ZSWIM4: variants seen among roughly 807,000 people sequenced by gnomAD.
ZSWIM4 encodes zinc finger SWIM-type containing 4.
Under a neutral mutation model 102.5 loss-of-function variants are expected in ZSWIM4, and 62 were observed. The ratio of observed to expected loss-of-function variants is 0.60; its 90% CI spans 0.49 to 0.75. The LOEUF (loss-of-function observed/expected upper bound fraction) is 0.75, where lower values mean the gene tolerates loss of function less well. ZSWIM4 is among the 30% of genes least tolerant of loss of function. The pLI is 0.00. For synonymous variants in ZSWIM4, 652 were observed against 674.5 expected (o/e 0.97, Z 0.52); for missense variants, 1,280 against 1,529.6 (o/e 0.84, Z 2.72).
intron 12 of ZSWIM4, among the ~76,000 whole-genome samples, chr19:13,827,588 CAAAAA>C (rs35504300): frequency 5.5e-5 from 4 of 72,518 alleles, no homozygotes; most frequent in Admixed American, 1.7e-4. Flanking sequence ...GTGAGACCCT[CAAAAA>C]AAAAAAAAAA....
intron 2 of ZSWIM4, among the ~76,000 whole-genome samples, chr19:13,801,460 G>A (rs1208609957): frequency 6.6e-6 from 1 of 152,138 alleles, no homozygotes; most frequent in African/African-American, 2.4e-5. Flanking sequence ...CTTTGGGCCA[G>A]GGGTTTAGAG....
intron 1 of ZSWIM4, among the ~76,000 whole-genome samples, chr19:13,796,150 C>G (rs1421335568): frequency 6.6e-6 from 1 of 150,628 alleles, no homozygotes; most frequent in Non-Finnish European, 1.5e-5. Flanking sequence ...CCGCCTTATC[C>G]CCCAACGGTA....
At chr19:13,796,125 G>A (rs987968287) in intron 1 of ZSWIM4, among the ~76,000 whole-genome samples, 4 of 150,764 alleles carry the variant, frequency 2.7e-5, no homozygotes, top group Non-Finnish European at 4.4e-5. Context: ...TACAACCCTG[G>A]GCACCCCTCT....
chr19:13,817,133 G>T, intron 7 of ZSWIM4, 83 bp from the exon 8 acceptor site: 1 of 1,507,976 alleles, frequency 6.6e-7, no homozygotes, highest in South Asian at 1.3e-5. Context: ...TAGGCTGGCT[G>T]GCAGGTCAAG....
chr19:13,830,374 A>C lies in ZSWIM4; in HGVS notation c.2645A>C (p.Lys882Thr), dbSNP rs1326038098. 6 of 1,612,996 alleles carry C rather than the reference A, an allele frequency of 3.7e-6. No individual in the cohort carries two copies. Among genetic ancestry groups the C allele is most frequent in the East Asian group, 2.2e-5 (1 of 44,872 alleles). Residue 882 changes from lysine (K) to threonine (T), a missense_variant, in exon 14 of 14, where the codon AAG becomes ACG. Physicochemically the swap from Lys to Thr is moderately conservative, Grantham distance 78 (BLOSUM62 -1). Transcript: ENST00000590508. ...ACCCTGGCCTTGCAGTGCGCGATGA[A>C]GGACCCTCAGAACTGCGCCTTGCCT... is the stretch of plus-strand genomic sequence containing the variant. Reference protein sequence around the residue: ...ARTLALQCAMKDPQNCALPAL... With the variant: ...ARTLALQCAMTDPQNCALPAL...
intron 2 of ZSWIM4, among the ~76,000 whole-genome samples, chr19:13,802,361 G>A (rs1186421092): frequency 1.3e-5 from 2 of 151,166 alleles, no homozygotes; most frequent in Non-Finnish European, 3.0e-5. Context: ...TGAGGCGGGT[G>A]GATCACCTAA....
rs377628862 is a variant in ZSWIM4 at position 13,820,791 on chromosome 19, C to A, written c.2060+1299C>A. Among the ~76,000 whole-genome samples the A allele has an allele frequency of 7.9e-5, 12 of 151,932 alleles. No individual in the cohort carries two copies. The East Asian group carries it at 1.7e-3, about 22-fold the overall frequency. The stretch of plus-strand genomic sequence containing the variant: ...TTCTTTGCACCTTTTTCTCACTGAG[C>A]TTTGCATCTTACAGGATTTGTCTTA... On this transcript the variant is annotated intron_variant, in intron 10 of 13. Transcript: ENST00000590508.
At chr19:13,826,760 G>A (rs1258261246) in intron 12 of ZSWIM4, among the ~76,000 whole-genome samples, 1 of 151,904 alleles carries the variant, frequency 6.6e-6, no homozygotes, top group African/African-American at 2.4e-5. Flanking sequence ...GCAAGACTCC[G>A]TCTTGGGGAA....
intron 5 of ZSWIM4, among the ~76,000 whole-genome samples, chr19:13,812,343 G>C (rs1014689613): frequency 1.4e-4 from 21 of 151,972 alleles, no homozygotes; most frequent in Non-Finnish European, 2.4e-4. Context: ...GCCCAGGCTG[G>C]AGTACAGTGG....
intron 2 of ZSWIM4, among the ~76,000 whole-genome samples, chr19:13,802,356 C>G (rs190579669): frequency 0.03 from 4,547 of 149,488 alleles, 88 homozygotes; most frequent in Non-Finnish European, 0.045. Context: ...GGGGCTGAGG[C>G]GGGTGGATCA....
rs576340914 is a variant in ZSWIM4 at position 13,819,599 on chromosome 19, T to C, written c.2060+107T>C. ...CATCCAGCCTGAACTCACAGCCTAG[T>C]TAATTCAGTCTCTCTCACCCTGGCA... is the stretch of plus-strand genomic sequence containing the variant. On this transcript the variant is annotated intron_variant, in intron 10 of 13. Transcript: ENST00000590508. 5 of 1,346,052 alleles carry C rather than the reference T, an allele frequency of 3.7e-6. No individual in the cohort carries two copies. The African/African-American group carries it at 7.2e-5, about 20-fold the overall frequency. The allele number at this position is 1,346,052 out of a possible 1,614,324, so 83.4% of individuals were successfully genotyped here.
chr19:13,822,152 A>G (rs1367198773), intron 10 of ZSWIM4, among the ~76,000 whole-genome samples: 1 of 136,706 alleles, frequency 7.3e-6, no homozygotes. Flanking sequence ...ACACACAAAC[A>G]CACACACACA....
At chr19:13,798,812 G>A (rs889200904) in intron 1 of ZSWIM4, among the ~76,000 whole-genome samples, 1 of 152,042 alleles carries the variant, frequency 6.6e-6, no homozygotes, top group African/African-American at 2.4e-5. Flanking sequence ...TATTTGAGAC[G>A]GAGTCTCGCT....
chr19:13,828,911 G>T (rs913613550), intron 13 of ZSWIM4, among the ~76,000 whole-genome samples, 185 bp downstream of exon 13: 5 of 151,736 alleles, frequency 3.3e-5, no homozygotes, highest in African/African-American at 1.2e-4. Flanking sequence ...GAGCAGCCTG[G>T]GTAACATAGT....
At chr19:13,826,076 G>T (rs1184885647) in intron 12 of ZSWIM4, among the ~76,000 whole-genome samples, 1 of 152,184 alleles carries the variant, frequency 6.6e-6, no homozygotes, top group Non-Finnish European at 1.5e-5. Flanking sequence ...TAGGGGCGGG[G>T]CCACAGAAGG....
intron 3 of ZSWIM4, among the ~76,000 whole-genome samples, chr19:13,807,929 C>T (rs1270926050): frequency 2.0e-5 from 3 of 152,202 alleles, no homozygotes; most frequent in South Asian, 2.1e-4. Flanking sequence ...CAGGTTTAAT[C>T]GGCTCATAGT....
intron 2 of ZSWIM4, 129 bp from the exon 3 acceptor site, chr19:13,804,663 C>A: frequency 5.5e-6 from 4 of 727,150 alleles, no homozygotes; most frequent in Admixed American, 2.7e-5. Context: ...AAAAAAAATG[C>A]AAAGTGAGTG....
intron 3 of ZSWIM4, 104 bp downstream of exon 3, chr19:13,805,252 G>A (rs1974888531): frequency 3.7e-6 from 4 of 1,093,278 alleles, no homozygotes; most frequent in Admixed American, 2.1e-5. Flanking sequence ...AAAGTTGTGG[G>A]GGCGGGGGGC....
rs560046102 is a variant in ZSWIM4 at position 13,798,566 on chromosome 19, G to A, written c.154-1154G>A. Among the ~76,000 whole-genome samples, 4 of 152,276 alleles carry A rather than the reference G, an allele frequency of 2.6e-5. No individual in the cohort carries two copies. In the East Asian group the frequency reaches 5.8e-4, roughly 22 times the overall value. The stretch of plus-strand genomic sequence containing the variant: ...GCTAGGAGGATCCAGGAGGGAAACC[G>A]CAAGAAAGTTCTAGAATGCTAACTA... On this transcript the variant is annotated intron_variant, in intron 1 of 13. Coordinates refer to ENST00000590508, the MANE Select transcript of ZSWIM4 (RefSeq NM_001367834.3).
Sources: gnomAD v4.1 joint callset for allele counts (sites outside exome capture counted in the v4.1 genomes callset) on GRCh38, gnomAD v4.1.1 for gene constraint, MANE v1.5 for transcripts, NCBI Gene and HGNC (gene_info 2026-07-23, HGNC 2026-07-21) for gene names.